Variants in COL14A1 observed in about 807,000 individuals in gnomAD.
COL14A1 encodes the protein collagen type XIV alpha 1 chain.
In COL14A1, 136 loss-of-function variants were observed where a neutral mutation model predicts 230.3. That is an observed-to-expected ratio of 0.59 (90% CI 0.51 to 0.68). The LOEUF (loss-of-function observed/expected upper bound fraction) is 0.68. Among genes scored for constraint, COL14A1 ranks in the 30% least tolerant of loss-of-function variants. The pLI is 0.00. For missense variants in COL14A1, 1,976 were observed against 2,215.8 expected (o/e 0.89, Z 2.17); for synonymous variants, 792 against 784.1 (o/e 1.01, Z -0.17).
chr8:120,253,933 A>G (rs1172925019), intron 22 of COL14A1, among the ~76,000 whole-genome samples: 1 of 152,208 alleles, frequency 6.6e-6, no homozygotes, highest in African/African-American at 2.4e-5. Flanking sequence ...TCAAAAAACA[A>G]AACAAAAAAG....
intron 1 of COL14A1, among the ~76,000 whole-genome samples, chr8:120,127,498 G>A (rs1037409726): frequency 1.1e-4 from 16 of 152,162 alleles, no homozygotes; most frequent in Non-Finnish European, 2.1e-4. Context: ...ATCCTGCTGC[G>A]AACCGTCCAG....
intron 1 of COL14A1, among the ~76,000 whole-genome samples, chr8:120,128,304 G>A (rs1001939657): frequency 2.6e-5 from 4 of 151,768 alleles, no homozygotes; most frequent in African/African-American, 9.7e-5. Flanking sequence ...CTGGGTATCT[G>A]CCTTTTTCTC....
rs150390619 is a variant in COL14A1 at position 120,147,847 on chromosome 8, A to G, written c.5A>G (p.Lys2Arg). ...ATGTAAAAAGCGGAAAATAAAATGA[A>G]GATTTTCCAGCGCAAGATGCGGTAC... is the stretch of plus-strand genomic sequence containing the variant. Reference protein sequence around the residue: MKIFQRKMRYWL... With the variant: MRIFQRKMRYWL... Residue 2 changes from lysine to arginine, a missense_variant, in exon 2 of 48, where the codon AAG (lysine) becomes AGG (arginine). Lys to Arg is a conservative substitution (Grantham distance 26). Transcript: ENST00000297848. 41 of 1,612,946 alleles carry G rather than the reference A, an allele frequency of 2.5e-5. No individual in the cohort carries two copies. Among genetic ancestry groups the G allele is most frequent in the Middle Eastern group, 1.6e-4 (1 of 6,082 alleles).
intron 1 of COL14A1, among the ~76,000 whole-genome samples, chr8:120,126,723 G>A (rs1045161715): frequency 6.6e-6 from 1 of 152,194 alleles, no homozygotes; most frequent in African/African-American, 2.4e-5. Flanking sequence ...ATGCAGTGAA[G>A]GACCGGTGTT....
chr8:120,215,506 G>GA (rs1481348084), intron 13 of COL14A1, among the ~76,000 whole-genome samples: 1 of 152,160 alleles, frequency 6.6e-6, no homozygotes, highest in African/African-American at 2.4e-5. Flanking sequence ...GAACCATTTG[G>GA]AAGGTTTTGT....
intron 4 of COL14A1, among the ~76,000 whole-genome samples, chr8:120,165,991 C>G (rs927522067): frequency 6.6e-5 from 10 of 152,132 alleles, no homozygotes; most frequent in African/African-American, 2.4e-4. Context: ...GGAGGTCACA[C>G]TGTGACTGAG....
chr8:120,207,085 A>C lies in COL14A1; in HGVS notation c.1182A>C (p.Lys394Asn). The change falls in exon 10 of 48, where the codon AAA (lysine) becomes AAC (asparagine). Residue 394 changes from lysine to asparagine, a missense_variant. Physicochemically the swap from Lys to Asn is moderately conservative, Grantham distance 94. Around this residue, in one of 3 missense-constraint regions of COL14A1, gnomAD observed 1,791 missense variants for 2,019.5 expected, o/e 0.89. Transcript: ENST00000297848. Reference protein sequence around the residue: ...RVVYYPTRGGKPDEVVVDGTV... With the variant: ...RVVYYPTRGGNPDEVVVDGTV... ...TGTATTATCCTACCAGGGGTGGAAA[A>C]CCAGACGAGGTAATAAGGAGAGAGT... 6.2e-7 allele frequency: 1 copy of C among 1,611,172 alleles called. No individual in the cohort carries two copies. The highest frequency in any genetic ancestry group is 1.7e-5 in the Admixed American group (1 of 59,392).
At position 120,345,561 on chromosome 8, in the gene COL14A1, G is replaced by A. The variant is rs372812308; in HGVS notation, c.5075G>A (p.Arg1692Gln). 13 of 1,541,558 alleles carry A rather than the reference G, an allele frequency of 8.4e-6. No homozygotes were observed. The Admixed American group carries it at 9.3e-5, about 11-fold the overall frequency. Reference protein sequence around the residue: ...NAGVPGTPGERGLTGIKGEKG... With the variant: ...NAGVPGTPGEQGLTGIKGEKG... ...GGCGTGCCAGGGACCCCAGGAGAAC[G>A]AGGTAAGCTGGGCCCCTTCTCTCAG... Residue 1692 changes from arginine to glutamine, a missense_variant and splice_region_variant, in exon 45 of 48, where the codon CGA (arginine) becomes CAA (glutamine). Physicochemically the swap from Arg to Gln is conservative, Grantham distance 43 (BLOSUM62 1). Coordinates refer to ENST00000297848, the MANE Select transcript of COL14A1 (RefSeq NM_021110.4).
chr8:120,281,155 G>A, intron 31 of COL14A1, 96 bp downstream of exon 31: 4 of 1,146,736 alleles, frequency 3.5e-6, no homozygotes, highest in East Asian at 2.4e-5. Flanking sequence ...ATAGTCCCAG[G>A]TAGGATTTTC....
At position 120,144,024 on chromosome 8, in the gene COL14A1, A is replaced by G. The variant is rs556120785; in HGVS notation, c.-37-3782A>G. Among the ~76,000 whole-genome samples, 5 of 152,232 alleles carry G rather than the reference A, an allele frequency of 3.3e-5. No homozygotes were observed. In the South Asian group the frequency reaches 8.3e-4, roughly 25 times the overall value. The stretch of plus-strand genomic sequence containing the variant: ...TTTGAGTTGCAATTAGGTAACTTCA[A>G]TTGATGTGTTTTTATTGTTGCCACT... On this transcript the variant is annotated intron_variant, in intron 1 of 47. Transcript: ENST00000297848.
At chr8:120,355,746 T>A (rs1210136093) in intron 45 of COL14A1, among the ~76,000 whole-genome samples, 1 of 152,092 alleles carries the variant, frequency 6.6e-6, no homozygotes, top group African/African-American at 2.4e-5. Context: ...TGCAACTCCT[T>A]TAGTTTCCAT....
chr8:120,209,103 G>C (rs1490087454), intron 11 of COL14A1, among the ~76,000 whole-genome samples: 1 of 152,236 alleles, frequency 6.6e-6, no homozygotes, highest in Middle Eastern at 3.4e-3. Flanking sequence ...CAATCTGTCG[G>C]ATGAGTGTTA....
chr8:120,149,847 A>C (rs949794980), intron 2 of COL14A1, among the ~76,000 whole-genome samples: 2 of 152,056 alleles, frequency 1.3e-5, no homozygotes, highest in Non-Finnish European at 2.9e-5. Flanking sequence ...GGCATGCGCC[A>C]CCAAGCCCAG....
chr8:120,300,460 G>A (rs78952860), intron 35 of COL14A1, among the ~76,000 whole-genome samples: 128 of 150,144 alleles, frequency 8.5e-4, no homozygotes, highest in African/African-American at 2.8e-3. Flanking sequence ...TTTTTTTTTT[G>A]TTGCACTCAC....
intron 37 of COL14A1, among the ~76,000 whole-genome samples, chr8:120,312,610 T>A (rs1821080536): frequency 6.6e-6 from 1 of 152,174 alleles, no homozygotes; most frequent in Non-Finnish European, 1.5e-5. Flanking sequence ...TCTATTTCAC[T>A]CACTCAATAC....
At chr8:120,285,463 C>CA (rs1218052645) in intron 32 of COL14A1, among the ~76,000 whole-genome samples, 1,720 of 64,426 alleles carry the variant, frequency 0.027, 57 homozygotes, top group African/African-American at 0.065. Context: ...GACTCCATCT[C>CA]AAAAAAAAAA....
At position 120,280,008 on chromosome 8, in the gene COL14A1, C is replaced by A; in HGVS notation, c.3555C>A (p.Ser1185Arg). 1.2e-6 allele frequency: 2 copies of A among 1,613,846 alleles called. No individual in the cohort carries two copies. The highest frequency in any genetic ancestry group is 1.7e-6 in the Non-Finnish European group (2 of 1,179,866). ...TGGTTAGCATTGGCAGTAAGCCCAGCGCACGCCATGTCTTCTTTGTGGATG... is the reference window on the plus strand; with the variant it reads ...TGGTTAGCATTGGCAGTAAGCCCAGAGCACGCCATGTCTTCTTTGTGGATG... The part of the protein sequence containing the change: ...SELVSIGSKP[S>R]ARHVFFVDDF... Residue 1185 changes from serine to arginine, a missense_variant, in exon 29 of 48, where the codon AGC becomes AGA. This residue lies in a region of COL14A1 where 1,791 missense variants were observed against 2,019.5 expected (regional missense o/e 0.89). Coordinates refer to ENST00000297848, the MANE Select transcript of COL14A1 (RefSeq NM_021110.4).
rs1822875011 is a variant in COL14A1, at chr8:120,353,984, A to G, written c.5077+8421A>G. Among the ~76,000 whole-genome samples, 3 of 135,230 alleles carry G rather than the reference A, an allele frequency of 2.2e-5. No homozygotes were observed. The Admixed American group carries it at 2.3e-4, about 10-fold the overall frequency. 88.7% of individuals were successfully genotyped at this position (135,230 alleles called of 152,430 possible). ...TTATTCACAATAGCAAAGACTTGGA[A>G]CCAACCCAAATGTCCAACAATGATA... On this transcript the variant is annotated intron_variant, in intron 45 of 47. Coordinates refer to ENST00000297848, the MANE Select transcript of COL14A1 (RefSeq NM_021110.4).
intron 1 of COL14A1, among the ~76,000 whole-genome samples, chr8:120,145,675 T>C (rs576897461): frequency 2.0e-5 from 3 of 152,100 alleles, no homozygotes; most frequent in East Asian, 3.9e-4. Context: ...AGTTCTACAA[T>C]TGGGAATTTA....
Sources: allele counts gnomAD v4.1 joint callset (sites outside exome capture counted in the v4.1 genomes callset), GRCh38; gene constraint gnomAD v4.1.1; regional missense constraint gnomAD v4.1.1; transcripts MANE v1.5; gene names NCBI Gene and HGNC (gene_info 2026-07-23, HGNC 2026-07-21).